Variants in FOCAD observed in about 807,000 individuals in gnomAD.
The protein encoded by FOCAD is focadhesin, also known as KIAA1797.
FOCAD carries 198 observed loss-of-function variants against 225.6 expected under a neutral mutation model. That is an observed-to-expected ratio of 0.88 (90% CI 0.78 to 0.99). FOCAD has a LOEUF of 0.99. FOCAD is among the 50% of genes least tolerant of loss of function. FOCAD has a pLI of 0.00. For missense variants in FOCAD, 2,713 were observed against 2,123.6 expected (o/e 1.28, Z -5.46); for synonymous variants, 897 against 755.0 (o/e 1.19, Z -3.08).
At chr9:20,771,944 C>T (rs1212018339) in intron 8 of FOCAD, among the ~76,000 whole-genome samples, 2 of 152,064 alleles carry the variant, frequency 1.3e-5, no homozygotes, top group African/African-American at 4.8e-5. Flanking sequence ...TGGATTATGG[C>T]CCCACCCTGA....
chr9:20,981,362 G>C, intron 37 of FOCAD, 64 bp from the exon 38 acceptor site: 3 of 1,555,668 alleles, frequency 1.9e-6, no homozygotes, highest in Non-Finnish European at 2.6e-6. Context: ...ATGATGTACA[G>C]GTTTTGAACA....
intron 1 of FOCAD, among the ~76,000 whole-genome samples, chr9:20,700,717 A>G (rs1377351317): frequency 1.3e-5 from 2 of 152,224 alleles, no homozygotes; most frequent in African/African-American, 4.8e-5. Flanking sequence ...TAATTAATGA[A>G]AAAGATATAG....
At chr9:20,860,334 A>G (rs980866557) in intron 15 of FOCAD, among the ~76,000 whole-genome samples, 1 of 152,034 alleles carries the variant, frequency 6.6e-6, no homozygotes, top group Non-Finnish European at 1.5e-5. Flanking sequence ...CATACCCAAG[A>G]CTGCGCAATT....
At chr9:20,924,033 A>C (rs1461620739) in intron 25 of FOCAD, among the ~76,000 whole-genome samples, 2 of 152,220 alleles carry the variant, frequency 1.3e-5, no homozygotes, top group Non-Finnish European at 2.9e-5. Flanking sequence ...GATTACATCA[A>C]TGGTAACCAA....
intron 15 of FOCAD, among the ~76,000 whole-genome samples, chr9:20,837,745 T>C (rs1826136107): frequency 1.3e-5 from 2 of 152,152 alleles, no homozygotes; most frequent in East Asian, 3.9e-4. Context: ...TCAAATGATC[T>C]AGAATTAAAC....
intron 19 of FOCAD, among the ~76,000 whole-genome samples, chr9:20,877,831 A>G (rs1215223885): frequency 1.3e-5 from 2 of 152,140 alleles, no homozygotes; most frequent in Non-Finnish European, 2.9e-5. Flanking sequence ...AGTCGCTTGA[A>G]CCTGGGGCAG....
At chr9:20,852,056 A>C (rs1827712319) in intron 15 of FOCAD, among the ~76,000 whole-genome samples, 2 of 151,612 alleles carry the variant, frequency 1.3e-5, no homozygotes, top group Non-Finnish European at 3.0e-5. Flanking sequence ...TGTATTTATA[A>C]ATTTGTTTTG....
Position 20,976,208 on chromosome 9 carries a change from T to C in FOCAD, c.4133-212T>C, listed in dbSNP as rs140531647. On this transcript the variant is annotated intron_variant, in intron 35 of 43. Coordinates refer to ENST00000338382, the MANE Select transcript of FOCAD (RefSeq NM_001375567.1). The stretch of plus-strand genomic sequence containing the variant: ...AGTTATTATATATTATTGAAAAATT[T>C]ATAAAAATTTTTTAAAAAGAGAAGA... 4.3e-3 allele frequency: 1,174 copies of C among 270,966 alleles called. 16 individuals are homozygous for C. The highest frequency in any genetic ancestry group is 0.024 in the African/African-American group (1,084 of 45,734). The allele number at this position is 270,966 out of a possible 1,614,324, so 16.8% of individuals were successfully genotyped here.
intron 5 of FOCAD, among the ~76,000 whole-genome samples, chr9:20,756,410 GA>G (rs199592087): frequency 2.5e-4 from 37 of 150,732 alleles, no homozygotes; most frequent in Admixed American, 3.3e-4. Flanking sequence ...TTTTAAAAGA[GA>G]AAAAAAAATA....
intron 9 of FOCAD, among the ~76,000 whole-genome samples, chr9:20,780,357 T>C (rs1819242628): frequency 6.6e-6 from 1 of 152,264 alleles, no homozygotes; most frequent in South Asian, 2.1e-4. Flanking sequence ...TCTGAAGCTA[T>C]GTTCTTATAT....
intron 5 of FOCAD, among the ~76,000 whole-genome samples, chr9:20,742,407 A>T (rs1827705136): frequency 1.3e-5 from 2 of 151,624 alleles, no homozygotes; most frequent in Admixed American, 1.3e-4. Context: ...GTGTGGGCTC[A>T]AGATTCTTGT....
At chr9:20,965,621 C>T (rs1259389619) in intron 35 of FOCAD, among the ~76,000 whole-genome samples, 2 of 152,102 alleles carry the variant, frequency 1.3e-5, no homozygotes, top group African/African-American at 2.4e-5. Flanking sequence ...GGTGCCATCA[C>T]GACTATTTCC....
intron 37 of FOCAD, among the ~76,000 whole-genome samples, chr9:20,979,541 G>A (rs920755317): frequency 6.6e-6 from 1 of 152,148 alleles, no homozygotes; most frequent in African/African-American, 2.4e-5. Context: ...GTTTCACCAA[G>A]TTGGCAAGGC....
At position 20,847,933 on chromosome 9, in the gene FOCAD, A is replaced by G. The variant is rs866922125; in HGVS notation, c.1921-14645A>G. ...TTTAATTATAGAAAAATGATTAAGG[A>G]TCAAATTCATAAACTGAGTATATTT... On this transcript the variant is annotated intron_variant, in intron 15 of 43. Transcript: ENST00000338382. Among the ~76,000 whole-genome samples the G allele has an allele frequency of 4.6e-5, 7 of 152,202 alleles. No homozygotes were observed. The Middle Eastern group carries it at 0.01, about 222-fold the overall frequency.
At chr9:20,976,685 G>A (rs926605907) in intron 36 of FOCAD, 137 bp downstream of exon 36, 1 of 949,596 alleles carries the variant, frequency 1.1e-6, no homozygotes, top group East Asian at 2.6e-5. Flanking sequence ...TGGATGGAAT[G>A]GCTGGGTTAC....
At chr9:20,981,208 C>A (rs1405769868) in intron 37 of FOCAD, among the ~76,000 whole-genome samples, 1 of 152,184 alleles carries the variant, frequency 6.6e-6, no homozygotes, top group Non-Finnish European at 1.5e-5. Context: ...CATATAAACA[C>A]ATGATTCACC....
At chr9:20,667,012 G>A (rs551677001) in intron 2 of FOCAD, among the ~76,000 whole-genome samples, 3 of 152,220 alleles carry the variant, frequency 2.0e-5, no homozygotes, top group South Asian at 4.1e-4. Context: ...CTTTTCATTA[G>A]GAAAAAAGCG....
At chr9:20,742,889 G>T (rs963204940) in intron 5 of FOCAD, among the ~76,000 whole-genome samples, 7 of 152,196 alleles carry the variant, frequency 4.6e-5, no homozygotes, top group Non-Finnish European at 8.8e-5. Context: ...GGCACATTAA[G>T]AGGTCCGTAA....
At chr9:20,969,305 A>C (rs1839554741) in intron 35 of FOCAD, among the ~76,000 whole-genome samples, 1 of 152,064 alleles carries the variant, frequency 6.6e-6, no homozygotes, top group South Asian at 2.1e-4. Context: ...ACTGTTGATT[A>C]ATAAGGATCC....
Sources: allele counts gnomAD v4.1 joint callset (sites outside exome capture counted in the v4.1 genomes callset), GRCh38; gene constraint gnomAD v4.1.1; transcripts MANE v1.5; gene names NCBI Gene and HGNC (gene_info 2026-07-23, HGNC 2026-07-21).